Variants in TEX101 observed in about 807,000 individuals in gnomAD.
TEX101 encodes testis-expressed protein 101.
In TEX101, 10 loss-of-function variants were observed where a neutral mutation model predicts 18.1. The ratio of observed to expected loss-of-function variants is 0.55; its 90% CI spans 0.34 to 0.94. The LOEUF (loss-of-function observed/expected upper bound fraction) is 0.94, where lower values mean the gene tolerates loss of function less well. Among genes scored for constraint, TEX101 ranks in the 40% least tolerant of loss-of-function variants. The probability of loss-of-function intolerance (pLI) is 0.02; values close to 1 mark genes in which losing one functional copy is unlikely to be tolerated. For missense variants in TEX101, 259 were observed against 298.9 expected, an observed-to-expected ratio of 0.87 and a Z score of 0.98; for synonymous variants, 94 against 114.8, an observed-to-expected ratio of 0.82 and a Z score of 1.16.
chr19:43,408,933 G>A (rs192960491), intron 3 of TEX101, among the ~76,000 whole-genome samples: 2 of 152,308 alleles, frequency 1.3e-5, no homozygotes, highest in East Asian at 3.9e-4. Flanking sequence ...ACCCGTGGAG[G>A]CCTGGTGCTA....
At chr19:43,391,414 T>C in the TEX101 span, among the ~76,000 whole-genome samples, 3 of 148,756 alleles carry the variant, frequency 2.0e-5, no homozygotes, top group Admixed American at 6.7e-5. Flanking sequence ...TTCTTTTTTT[T>C]TTTTTTTTTT....
intron 3 of TEX101, among the ~76,000 whole-genome samples, chr19:43,406,832 A>T (rs1440552350): frequency 6.6e-6 from 1 of 152,136 alleles, no homozygotes; most frequent in Non-Finnish European, 1.5e-5. Context: ...TGAGTTTTAA[A>T]CAAGGGGTGT....
intron 3 of TEX101, among the ~76,000 whole-genome samples, chr19:43,407,222 G>A (rs926742547): frequency 1.3e-5 from 2 of 152,146 alleles, no homozygotes; most frequent in Non-Finnish European, 2.9e-5. Context: ...TGTGGCTCAC[G>A]CCTATAATCC....
chr19:43,390,842 C>A, the TEX101 span, among the ~76,000 whole-genome samples: 1 of 151,752 alleles, frequency 6.6e-6, no homozygotes, highest in Non-Finnish European at 1.5e-5. Flanking sequence ...CACTGTCCAT[C>A]CCCACCCAGA....
At chr19:43,411,266 A>G (rs1970416951), upstream of TEX101, among the ~76,000 whole-genome samples, 1 of 152,032 alleles carries the variant, frequency 6.6e-6, no homozygotes, top group Non-Finnish European at 1.5e-5. Context: ...TAGTGGAGAC[A>G]GGGTTTCACC....
chr19:43,416,419 G>T lies in TEX101; in HGVS notation c.255G>T (p.Gly85=). 1 of 1,614,138 alleles carries T rather than the reference G, an allele frequency of 6.2e-7. No individual in the cohort carries two copies. The highest frequency in any genetic ancestry group is 1.1e-5 in the South Asian group (1 of 91,086). The change falls in exon 4 of 6, where the codon GGG becomes GGT. Residue 85 remains glycine (G), a synonymous_variant. Coordinates refer to ENST00000598265, the MANE Select transcript of TEX101 (RefSeq NM_001130011.3). ...ILATKGCIPE[G]EEAITIVQHS... ...CCACGAAGGGCTGCATCCCGGAAGG[G>T]GAGGAGGCCATAACAATTGTCCAGC...
Position 43,417,967 on chromosome 19 carries a change from A to G in TEX101, c.481A>G (p.Thr161Ala). ...TCCTTCTCTTCCCTGTCCCAATGGTACAACTCGATGCTATCAAGGAAAACT... is the reference window on the plus strand; with the variant it reads ...TCCTTCTCTTCCCTGTCCCAATGGTGCAACTCGATGCTATCAAGGAAAACT... ...SAPSLPCPNG[T>A]TRCYQGKLEI... is the part of the protein sequence containing the mutation. The change falls in exon 5 of 6, where the codon ACA becomes GCA. Residue 161 changes from threonine (T) to alanine (A), a missense_variant. By Grantham distance (58) the Thr-to-Ala change is moderately conservative. Transcript: ENST00000598265. 1 of 1,614,188 alleles carries G rather than the reference A, an allele frequency of 6.2e-7. No homozygotes were observed. Among genetic ancestry groups the G allele is most frequent in the Non-Finnish European group, 8.5e-7 (1 of 1,180,032 alleles).
At chr19:43,393,803 G>A in the TEX101 span, among the ~76,000 whole-genome samples, 4 of 150,194 alleles carry the variant, frequency 2.7e-5, no homozygotes, top group East Asian at 8.1e-4. Flanking sequence ...GTGCGGAGCA[G>A]GGGTTCAAAC....
intron 3 of TEX101, among the ~76,000 whole-genome samples, chr19:43,407,042 A>ACTC (rs1970372924): frequency 6.7e-6 from 1 of 148,750 alleles, no homozygotes; most frequent in African/African-American, 2.5e-5. Flanking sequence ...CTTAAGTGAT[A>ACTC]CTCTCGCCTC....
chr19:43,388,893 C>T, the TEX101 span, among the ~76,000 whole-genome samples: 1 of 152,228 alleles, frequency 6.6e-6, no homozygotes, highest in Non-Finnish European at 1.5e-5. Context: ...CAGCAACCCC[C>T]ACCCAACCTA....
At chr19:43,409,783 G>GAA (rs1459104572) in intron 3 of TEX101, among the ~76,000 whole-genome samples, 5 of 152,070 alleles carry the variant, frequency 3.3e-5, no homozygotes, top group Non-Finnish European at 7.4e-5. Context: ...GGAAAAAAAA[G>GAA]AAAAGGAGAA....
chr19:43,389,118 A>G, the TEX101 span, among the ~76,000 whole-genome samples: 4 of 152,172 alleles, frequency 2.6e-5, no homozygotes, highest in Non-Finnish European at 5.9e-5. Flanking sequence ...TGGGACGGGC[A>G]TCTGCACCAG....
chr19:43,416,147 C>A lies in TEX101; in HGVS notation c.113C>A (p.Ala38Glu). The A allele has an allele frequency of 1.2e-6, 2 of 1,613,832 alleles. No individual in the cohort carries two copies. Among genetic ancestry groups the A allele is most frequent in the Non-Finnish European group, 1.7e-6 (2 of 1,179,878 alleles). The change falls in exon 3 of 6, where the codon GCA becomes GAA. Residue 38 changes from alanine to glutamate, a missense_variant. Ala to Glu is a moderately radical substitution (Grantham distance 107, BLOSUM62 -1). Coordinates refer to ENST00000598265, the MANE Select transcript of TEX101 (RefSeq NM_001130011.3). ...AAGGGTCTGTCCATGACTGTGGAAG[C>A]AGATCCAGCCAATATGTTTAACTGG... ...CQKGLSMTVE[A>E]DPANMFNWTT...
chr19:43,404,611 T>C (rs1970345482), intron 2 of TEX101, among the ~76,000 whole-genome samples: 1 of 152,108 alleles, frequency 6.6e-6, no homozygotes, highest in South Asian at 2.1e-4. Context: ...TTTTGCCACA[T>C]TTGCTTGATT....
At chr19:43,410,580 T>A (rs973907824), upstream of TEX101, among the ~76,000 whole-genome samples, 1 of 151,876 alleles carries the variant, frequency 6.6e-6, no homozygotes, top group Admixed American at 6.6e-5. Context: ...CATTTCTGGA[T>A]CTAAGAGACA....
At chr19:43,416,576 A>G in intron 4 of TEX101, 21 bp downstream of exon 4, 2 of 1,606,140 alleles carry the variant, frequency 1.2e-6, no homozygotes, top group Non-Finnish European at 1.7e-6. Flanking sequence ...AGTGGGGGAG[A>G]TAGGTACTAA....
upstream of TEX101, among the ~76,000 whole-genome samples, chr19:43,397,810 A>AATATAAATATATAAAAATATATATTTT (rs1304836809): frequency 8.2e-4 from 76 of 92,640 alleles, no homozygotes; most frequent in African/African-American, 1.1e-3. Flanking sequence ...ATATTATATA[A>AATATAAATATATAAAAATATATATTTT]ATATAAATAT....
the TEX101 span, among the ~76,000 whole-genome samples, chr19:43,394,492 A>G: frequency 6.7e-6 from 1 of 149,986 alleles, no homozygotes; most frequent in African/African-American, 2.5e-5. Flanking sequence ...TTTTTTTGCA[A>G]CAGAGTCTCA....
the TEX101 span, among the ~76,000 whole-genome samples, chr19:43,390,957 A>G: frequency 6.6e-6 from 1 of 152,164 alleles, no homozygotes; most frequent in South Asian, 2.1e-4. Context: ...CTGTCTATGC[A>G]TTTCACGACG....
Sources: allele counts gnomAD v4.1 joint callset (sites outside exome capture counted in the v4.1 genomes callset), GRCh38; gene constraint gnomAD v4.1.1; transcripts MANE v1.5; gene names NCBI Gene and HGNC (gene_info 2026-07-23, HGNC 2026-07-21).